Variants in ANPEP observed in about 807,000 individuals in gnomAD.
ANPEP encodes the protein alanyl aminopeptidase, membrane.
ANPEP carries 70 observed loss-of-function variants against 114.6 expected under a neutral mutation model. The observed-to-expected ratio is 0.61, with a 90% CI of 0.50 to 0.75. The LOEUF is 0.75. Among genes scored for constraint, ANPEP ranks in the 30% least tolerant of loss-of-function variants. ANPEP has a pLI of 0.00. For synonymous variants in ANPEP, 548 were observed against 522.3 expected (o/e 1.05, Z -0.67); for missense variants, 1,184 against 1,259.5 (o/e 0.94, Z 0.91).
intron 4 of ANPEP, 82 bp downstream of exon 4, chr15:89,804,996 C>T (rs1170565586): frequency 6.3e-6 from 10 of 1,580,176 alleles, no homozygotes; most frequent in Non-Finnish European, 8.7e-7. Flanking sequence ...AATTCAGAAA[C>T]TGGCACAGGG....
intron 2 of ANPEP, among the ~76,000 whole-genome samples, chr15:89,805,672 G>T (rs1342250462): frequency 6.6e-6 from 1 of 152,214 alleles, no homozygotes; most frequent in Non-Finnish European, 1.5e-5. Flanking sequence ...CTGGATTCGG[G>T]GTGCCAGCAG....
Position 89,797,544 on chromosome 15 carries a change from G to T in ANPEP, c.2157+31C>A, listed in dbSNP as rs759088478. On this transcript the variant is annotated intron_variant, in intron 15 of 20. Transcript: ENST00000300060. ...GCACTTTCAGGCACTGGGGCGAACT[G>T]GTTCTTGAACCCTACCATGCACCTC... 16 of 1,593,570 alleles carry T rather than the reference G, an allele frequency of 1.0e-5. No homozygotes were observed. The Admixed American group carries it at 2.8e-4, about 28-fold the overall frequency.
chr15:89,787,090 G>A (rs944747561), intron 20 of ANPEP, among the ~76,000 whole-genome samples: 2 of 138,394 alleles, frequency 1.4e-5, no homozygotes, highest in East Asian at 4.5e-4. Context: ...CTGTCATCCA[G>A]GCTAGAGTGC....
At chr15:89,787,847 T>C (rs548622957) in intron 20 of ANPEP, among the ~76,000 whole-genome samples, 3 of 152,188 alleles carry the variant, frequency 2.0e-5, no homozygotes, top group Non-Finnish European at 4.4e-5. Context: ...GATACACAAA[T>C]GTGTATAAGG....
Position 89,803,862 on chromosome 15 carries a change from CA to C in ANPEP, c.1293+26del. ...CCCAGGTCTCCCTCCATGCCCCCCG[CA>C]CCAGACCCCTGGGCAGCTGGCTTAC... On this transcript the variant is annotated intron_variant, in intron 7 of 20. Coordinates refer to ENST00000300060, the MANE Select transcript of ANPEP (RefSeq NM_001150.3). This position sits in a 1 kb window ranked among gnomAD's most constrained non-coding sequence, Gnocchi z 4.2. 3 of 1,614,060 alleles carry C rather than the reference CA, an allele frequency of 1.9e-6. No individual in the cohort carries two copies. Among genetic ancestry groups the C allele is most frequent in the Non-Finnish European group, 1.7e-6 (2 of 1,179,930 alleles).
chr15:89,805,044 C>A, intron 4 of ANPEP, 34 bp downstream of exon 4: 1 of 1,612,990 alleles, frequency 6.2e-7, no homozygotes, highest in Non-Finnish European at 8.5e-7. Flanking sequence ...CCGGGGCCAG[C>A]CCACGTGAAG....
Position 89,806,020 on chromosome 15 carries a change from A to G in ANPEP, c.564T>C (p.Asp188=). The G allele has an allele frequency of 6.2e-7, 1 of 1,609,838 alleles. No homozygotes were observed. The highest frequency in any genetic ancestry group is 8.5e-7 in the Non-Finnish European group (1 of 1,176,684). The change falls in exon 2 of 21, where the codon GAT becomes GAC. Residue 188 remains aspartate (D), a synonymous_variant. Coordinates refer to ENST00000300060, the MANE Select transcript of ANPEP (RefSeq NM_001150.3). This position sits in a 1 kb window ranked among gnomAD's most constrained non-coding sequence, Gnocchi z 5.7. ...MDSEFEGELA[D]DLAGFYRSEY... is the part of the protein sequence containing the mutation. ...CGCTGCGGTAGAAGCCCGCCAGGTC[A>G]TCTGCCAACTCCCCCTCGAACTCGC...
intron 11 of ANPEP, 49 bp from the exon 12 acceptor site, chr15:89,801,236 C>A: frequency 6.3e-7 from 1 of 1,598,366 alleles, no homozygotes; most frequent in Non-Finnish European, 8.6e-7. Flanking sequence ...GTGGTCACTG[C>A]CAGTGAGGAG....
chr15:89,814,175 A>T (rs1894866315), intron 1 of ANPEP, among the ~76,000 whole-genome samples: 1 of 152,208 alleles, frequency 6.6e-6, no homozygotes, highest in Non-Finnish European at 1.5e-5. Context: ...ATGCCCCGGC[A>T]TCTTGGCCGG....
At chr15:89,808,675 G>C (rs539026352) in intron 1 of ANPEP, among the ~76,000 whole-genome samples, 1 of 152,140 alleles carries the variant, frequency 6.6e-6, no homozygotes, top group Non-Finnish European at 1.5e-5. Context: ...AGGCAGGCCG[G>C]ACTCGTGCCA....
intron 19 of ANPEP, 135 bp from the exon 20 acceptor site, chr15:89,790,676 G>C: frequency 1.2e-6 from 1 of 837,158 alleles, no homozygotes; most frequent in Non-Finnish European, 1.9e-6. Flanking sequence ...CTAGGATGTG[G>C]GGGAGTCACA....
At chr15:89,791,764 C>T (rs1049518284) in intron 18 of ANPEP, among the ~76,000 whole-genome samples, 108 of 152,106 alleles carry the variant, frequency 7.1e-4, no homozygotes, top group African/African-American at 2.4e-3. Flanking sequence ...AAGGGTGGCT[C>T]TTCTTTACTG....
In ANPEP at chr15:89,801,925, C is replaced by G. The variant is rs1207296281; in HGVS notation, c.1570-318G>C. 5.3e-5 allele frequency among the ~76,000 whole-genome samples: 8 copies of G among 151,534 alleles called. No homozygotes were observed. The East Asian group carries it at 1.4e-3, about 26-fold the overall frequency. The stretch of plus-strand genomic sequence containing the variant: ...TTCCTGAACAACACTGGGAGGAGGA[C>G]AAGAAAGAGGAGACAGAGATGAGAG... On this transcript the variant is annotated intron_variant, in intron 10 of 20. Transcript: ENST00000300060.
At chr15:89,810,041 C>A (rs944813369) in intron 1 of ANPEP, among the ~76,000 whole-genome samples, 1 of 152,154 alleles carries the variant, frequency 6.6e-6, no homozygotes, top group African/African-American at 2.4e-5. Flanking sequence ...CTCCCCTCTG[C>A]GCTTCCCCAG....
In ANPEP at chr15:89,806,280, C is replaced by G. The variant is rs769850318; in HGVS notation, c.304G>C (p.Val102Leu). The change falls in exon 2 of 21, where the codon GTT (valine) becomes CTT (leucine). Residue 102 changes from valine (V) to leucine (L), a missense_variant. Physicochemically the swap from Val to Leu is conservative, Grantham distance 32 (BLOSUM62 1). Transcript: ENST00000300060. The surrounding 1 kb of genome is among the most constrained non-coding windows in gnomAD (Gnocchi z 5.7). ...YLTPNDRGLY[V>L]FKGSSTVRFT... The stretch of plus-strand genomic sequence containing the variant: ...CGGACGGTGCTGGAGCCCTTAAAAA[C>G]GTACAGGCCCCTGTCATTGGGGGTG... The G allele has an allele frequency of 2.5e-6, 4 of 1,614,062 alleles. No individual in the cohort carries two copies. Among genetic ancestry groups the G allele is most frequent in the Non-Finnish European group, 3.4e-6 (4 of 1,180,050 alleles).
intron 15 of ANPEP, among the ~76,000 whole-genome samples, chr15:89,796,808 C>T (rs1325430390): frequency 6.6e-6 from 1 of 152,116 alleles, no homozygotes; most frequent in African/African-American, 2.4e-5. Context: ...GATAATTGAA[C>T]ATTTTTTAAT....
At chr15:89,789,438 A>G (rs1161676190) in intron 20 of ANPEP, among the ~76,000 whole-genome samples, 1 of 152,048 alleles carries the variant, frequency 6.6e-6, no homozygotes, top group Non-Finnish European at 1.5e-5. Context: ...GAAGATAATC[A>G]TTTTCCTGGG....
rs1894595300 is a variant in ANPEP, at chr15:89,801,698, G to A, written c.1570-91C>T. ...TCCTGCAGATTCTCGCCTCGACCCCGGGGGGCCACTTGTATGGGAGGCCTG... is the reference window on the plus strand; with the variant it reads ...TCCTGCAGATTCTCGCCTCGACCCCAGGGGGCCACTTGTATGGGAGGCCTG... On this transcript the variant is annotated intron_variant, in intron 10 of 20. Coordinates refer to ENST00000300060, the MANE Select transcript of ANPEP (RefSeq NM_001150.3). 18 of 1,452,968 alleles carry A rather than the reference G, an allele frequency of 1.2e-5. 1 individual carries two copies. Among genetic ancestry groups the A allele is most frequent in the Middle Eastern group, 2.5e-4 (1 of 4,046 alleles). The allele number at this position is 1,452,968 out of a possible 1,614,324, so 90.0% of individuals were successfully genotyped here.
At position 89,806,572 on chromosome 15, in the gene ANPEP, G is replaced by A. The variant is rs1382772755; in HGVS notation, c.12C>T (p.Gly4=). The A allele has an allele frequency of 4.4e-6, 7 of 1,600,888 alleles. No homozygotes were observed. The East Asian group carries it at 9.0e-5, about 20-fold the overall frequency. Reference sequence around the variant, plus strand: ...TGCCCAGGGACTTGGAAATATAGAAGCCCTTGGCCATGGTGATGGTGGGGA... The same window carrying A: ...TGCCCAGGGACTTGGAAATATAGAAACCCTTGGCCATGGTGATGGTGGGGA... MAK[G]FYISKSLGIL... is the part of the protein sequence containing the mutation. Residue 4 remains glycine, a synonymous_variant, in exon 2 of 21, where the codon GGC becomes GGT. Coordinates refer to ENST00000300060, the MANE Select transcript of ANPEP (RefSeq NM_001150.3). The surrounding 1 kb of genome is among the most constrained non-coding windows in gnomAD (Gnocchi z 5.7).
Sources: gnomAD v4.1 joint callset for allele counts (sites outside exome capture counted in the v4.1 genomes callset) on GRCh38, gnomAD v4.1.1 for gene constraint, Gnocchi (gnomAD v3.1) non-coding constraint, MANE v1.5 for transcripts, NCBI Gene and HGNC (gene_info 2026-07-23, HGNC 2026-07-21) for gene names.